Variants in TTLL5 observed in about 807,000 individuals in gnomAD.
TTLL5 encodes the protein tubulin polyglutamylase TTLL5.
A neutral mutation model predicts 168.4 loss-of-function variants in TTLL5; 132 were observed. The observed-to-expected ratio is 0.78, with a 90% CI of 0.68 to 0.91. TTLL5 has a LOEUF of 0.91. Among genes scored for constraint, TTLL5 ranks in the 40% least tolerant of loss-of-function variants. The probability of loss-of-function intolerance (pLI) is 0.00; values close to 1 mark genes in which losing one functional copy is unlikely to be tolerated. For missense variants in TTLL5, 1,545 were observed against 1,581.5 expected (o/e 0.98, Z 0.39); for synonymous variants, 546 against 558.6 (o/e 0.98, Z 0.32).
At chr14:75,721,572 C>T (rs1420570198) in intron 12 of TTLL5, among the ~76,000 whole-genome samples, 1 of 152,134 alleles carries the variant, frequency 6.6e-6, no homozygotes, top group Non-Finnish European at 1.5e-5. Context: ...TAGAGCCTAA[C>T]AGCCTTAGTT....
chr14:75,783,621 T>G, intron 26 of TTLL5, 91 bp downstream of exon 26: 1 of 1,505,954 alleles, frequency 6.6e-7, no homozygotes, highest in Non-Finnish European at 8.9e-7. Flanking sequence ...TGCCTTTTTT[T>G]AAATTTTGAA....
chr14:75,840,756 C>T (rs1896183923), intron 28 of TTLL5, among the ~76,000 whole-genome samples: 2 of 152,256 alleles, frequency 1.3e-5, no homozygotes, highest in East Asian at 3.9e-4. Flanking sequence ...ATTTCCATGC[C>T]CTAGAAATAA....
At chr14:75,853,246 A>G (rs1404805860) in intron 28 of TTLL5, among the ~76,000 whole-genome samples, 2 of 152,182 alleles carry the variant, frequency 1.3e-5, no homozygotes, top group East Asian at 3.8e-4. Flanking sequence ...ATGCCAGTTT[A>G]CTGGGTCATT....
chr14:75,840,227 T>C (rs2139842748), intron 28 of TTLL5, among the ~76,000 whole-genome samples: 1 of 152,320 alleles, frequency 6.6e-6, no homozygotes, highest in African/African-American at 2.4e-5. Flanking sequence ...TCAGACACAG[T>C]CATTTTTTAT....
chr14:75,748,190 A>G (rs1889725422), intron 17 of TTLL5, among the ~76,000 whole-genome samples: 1 of 151,364 alleles, frequency 6.6e-6, no homozygotes, highest in Admixed American at 6.6e-5. Context: ...CTAGCTGTTT[A>G]TGGTAGGAGA....
chr14:75,936,978 A>C (rs2034450831), intron 31 of TTLL5, among the ~76,000 whole-genome samples: 1 of 152,244 alleles, frequency 6.6e-6, no homozygotes, highest in African/African-American at 2.4e-5. Flanking sequence ...TCATGCAATA[A>C]GCACTTTATA....
intron 9 of TTLL5, among the ~76,000 whole-genome samples, chr14:75,717,089 A>G (rs1039148061): frequency 6.8e-6 from 1 of 147,192 alleles, no homozygotes; most frequent in Non-Finnish European, 1.5e-5. Flanking sequence ...CTTTTTGCTT[A>G]TTTTTTTTTT....
intron 31 of TTLL5, among the ~76,000 whole-genome samples, chr14:75,917,203 A>C (rs2140128791): frequency 6.6e-6 from 1 of 152,352 alleles, no homozygotes; most frequent in East Asian, 1.9e-4. Flanking sequence ...GTATTTTGCC[A>C]CAATTTTTAA....
intron 9 of TTLL5, among the ~76,000 whole-genome samples, chr14:75,714,461 AT>A (rs1195213985): frequency 2.6e-5 from 4 of 152,062 alleles, no homozygotes; most frequent in Non-Finnish European, 4.4e-5. Context: ...CCAAATGATG[AT>A]TTTTTAATTC....
chr14:75,892,621 C>A (rs1286175850), intron 30 of TTLL5, among the ~76,000 whole-genome samples: 1 of 152,122 alleles, frequency 6.6e-6, no homozygotes, highest in Non-Finnish European at 1.5e-5. Context: ...GCAGAACAGT[C>A]CCTCACTACA....
intron 2 of TTLL5, among the ~76,000 whole-genome samples, chr14:75,666,157 C>T (rs950140058): frequency 1.3e-5 from 2 of 152,212 alleles, no homozygotes; most frequent in African/African-American, 4.8e-5. Context: ...ACACCTGAAG[C>T]AGCAGGCTTA....
intron 28 of TTLL5, among the ~76,000 whole-genome samples, chr14:75,853,489 C>T (rs1444529150): frequency 6.6e-6 from 1 of 152,124 alleles, no homozygotes; most frequent in Non-Finnish European, 1.5e-5. Flanking sequence ...CTTGGTAGTC[C>T]GTAAGCACCT....
intron 3 of TTLL5, among the ~76,000 whole-genome samples, chr14:75,672,990 G>C (rs1883860589): frequency 6.6e-6 from 1 of 151,978 alleles, no homozygotes; most frequent in Non-Finnish European, 1.5e-5. Context: ...CCATGCTGGA[G>C]TGCAGTGGTG....
chr14:75,781,382 A>G (rs575976552), intron 24 of TTLL5, among the ~76,000 whole-genome samples: 165 of 152,318 alleles, frequency 1.1e-3, no homozygotes, highest in Non-Finnish European at 1.7e-3. Flanking sequence ...AAACATGAAC[A>G]AACAAGTGTG....
At chr14:75,924,594 T>A (rs947358350) in intron 31 of TTLL5, among the ~76,000 whole-genome samples, 1 of 151,860 alleles carries the variant, frequency 6.6e-6, no homozygotes, top group African/African-American at 2.4e-5. Flanking sequence ...GAGCACAGGG[T>A]TGGGGGTAAG....
chr14:75,811,995 C>T (rs1337820588), intron 27 of TTLL5, among the ~76,000 whole-genome samples: 1 of 152,132 alleles, frequency 6.6e-6, no homozygotes, highest in Non-Finnish European at 1.5e-5. Flanking sequence ...GGATTTATTC[C>T]TGCTATAATT....
At chr14:75,857,108 A>G (rs1342514412) in intron 28 of TTLL5, among the ~76,000 whole-genome samples, 1 of 152,204 alleles carries the variant, frequency 6.6e-6, no homozygotes, top group Non-Finnish European at 1.5e-5. Flanking sequence ...AATGAATAAT[A>G]TCTTTTTTTC....
At chr14:75,738,315 C>T (rs911360544) in intron 15 of TTLL5, among the ~76,000 whole-genome samples, 1 of 152,134 alleles carries the variant, frequency 6.6e-6, no homozygotes, top group African/African-American at 2.4e-5. Flanking sequence ...TAGATATTCT[C>T]ATATATAAAC....
intron 6 of TTLL5, among the ~76,000 whole-genome samples, chr14:75,697,878 C>T (rs979142172): frequency 1.3e-5 from 2 of 152,146 alleles, no homozygotes; most frequent in Non-Finnish European, 2.9e-5. Flanking sequence ...TCTTGGCGCA[C>T]AGCAACCTAG....
Sources: gnomAD v4.1 joint callset for allele counts (sites outside exome capture counted in the v4.1 genomes callset) on GRCh38, gnomAD v4.1.1 for gene constraint, MANE v1.5 for transcripts, NCBI Gene and HGNC (gene_info 2026-07-23, HGNC 2026-07-21) for gene names.